Variants in SYNRG observed in about 807,000 individuals in gnomAD.
SYNRG encodes synergin gamma.
SYNRG carries 37 observed loss-of-function variants against 130.9 expected under a neutral mutation model. That is an observed-to-expected ratio of 0.28 (90% CI 0.22 to 0.37). SYNRG has a LOEUF of 0.37. SYNRG is among the 10% of genes least tolerant of loss of function. The pLI is 1.00. For missense variants in SYNRG, 1,338 were observed against 1,588.9 expected, an observed-to-expected ratio of 0.84 and a Z score of 2.68; for synonymous variants, 539 against 568.1, an observed-to-expected ratio of 0.95 and a Z score of 0.73.
chr17:37,533,146 T>C (rs2056812425), intron 19 of SYNRG, among the ~76,000 whole-genome samples: 1 of 152,162 alleles, frequency 6.6e-6, no homozygotes, highest in African/African-American at 2.4e-5. Flanking sequence ...ATGCCTATAA[T>C]CCCAACACTT....
At position 37,553,463 on chromosome 17, in the gene SYNRG, C is replaced by T; in HGVS notation, c.2260G>A (p.Glu754Lys). 2 of 1,614,162 alleles carry T rather than the reference C, an allele frequency of 1.2e-6. No individual in the cohort carries two copies. The highest frequency in any genetic ancestry group is 1.7e-6 in the Non-Finnish European group (2 of 1,180,022). Residue 754 changes from glutamate to lysine, a missense_variant, in exon 14 of 22, where the codon GAA becomes AAA. By Grantham distance (56) the Glu-to-Lys change is moderately conservative. Transcript: ENST00000612223. ...KYDVFRQLSL[E>K]GSGLGVEDLK... is the part of the protein sequence containing the mutation. ...TCTTCAACACCTAGTCCAGACCCTT[C>T]CAGAGAAAGTTGTCTGAAGACATCG...
Position 37,542,263 on chromosome 17 carries a change from T to C in SYNRG, c.2911A>G (p.Ile971Val). The C allele has an allele frequency of 6.2e-7, 1 of 1,614,218 alleles. No homozygotes were observed. Residue 971 changes from isoleucine (I) to valine (V), a missense_variant, in exon 15 of 22, where the codon ATT (isoleucine) becomes GTT (valine). Physicochemically the swap from Ile to Val is conservative, Grantham distance 29. Around this residue, in one of 3 missense-constraint regions of SYNRG, gnomAD observed 1,146 missense variants for 1,342.3 expected, o/e 0.85. Transcript: ENST00000612223. The stretch of plus-strand genomic sequence containing the variant: ...TCCTTTTGCTCACTGGTCTGAGGAA[T>C]CGTGTCTTTAAAACTGGCAAGAGCT... The part of the protein sequence containing the change: ...FPALASFKDT[I>V]PQTSEQKEYE...
In SYNRG at chr17:37,577,897, G is replaced by A. The variant is rs890070294; in HGVS notation, c.590-284C>T. ...GTATTTTTAGTAGAGACGGGGTTTC[G>A]CCATGTTAGACAGGCTGGTCTCGAA... On this transcript the variant is annotated intron_variant, in intron 6 of 21. Transcript: ENST00000612223. Among the ~76,000 whole-genome samples the A allele has an allele frequency of 2.7e-5, 4 of 150,752 alleles. No homozygotes were observed. The South Asian group carries it at 6.3e-4, about 24-fold the overall frequency.
chr17:37,559,325 T>C (rs1472829410), intron 13 of SYNRG, among the ~76,000 whole-genome samples: 1 of 151,802 alleles, frequency 6.6e-6, no homozygotes, highest in Non-Finnish European at 1.5e-5. Context: ...AGATCATGAG[T>C]GAAAGGCTAA....
chr17:37,598,709 G>GT (rs112097657), intron 2 of SYNRG, among the ~76,000 whole-genome samples: 24,486 of 151,910 alleles, frequency 0.16, 2,127 homozygotes, highest in Middle Eastern at 0.27. Context: ...TCTAACAACT[G>GT]TTAAAAAAAA....
chr17:37,595,164 A>C (rs1239131557), intron 3 of SYNRG, among the ~76,000 whole-genome samples: 1 of 152,212 alleles, frequency 6.6e-6, no homozygotes. Flanking sequence ...AGAGACAGAT[A>C]AAAAATGACA....
chr17:37,548,220 C>T (rs558568689), intron 14 of SYNRG, among the ~76,000 whole-genome samples: 5 of 152,166 alleles, frequency 3.3e-5, no homozygotes, highest in Admixed American at 1.3e-4. Flanking sequence ...ATAAATAGCA[C>T]GGGAAAATCC....
chr17:37,533,926 CTTTTTTTTTTTTT>C (rs765621244), intron 19 of SYNRG, among the ~76,000 whole-genome samples: 13 of 57,790 alleles, frequency 2.2e-4, no homozygotes, highest in Admixed American at 9.9e-4. Flanking sequence ...ATTTTCTTTT[CTTTTTTTTTTTTT>C]TTTTTTTTTT....
intron 6 of SYNRG, among the ~76,000 whole-genome samples, chr17:37,582,297 T>C (rs948113875): frequency 6.6e-6 from 1 of 152,292 alleles, no homozygotes; most frequent in South Asian, 2.1e-4. Context: ...GCAAAATTAT[T>C]GCCTTAATCA....
At chr17:37,519,342 AG>A (rs371825121) in intron 21 of SYNRG, among the ~76,000 whole-genome samples, 24 of 152,108 alleles carry the variant, frequency 1.6e-4, no homozygotes, top group South Asian at 6.3e-4. Context: ...TATGGGGTGG[AG>A]GGGGGGAATC....
intron 13 of SYNRG, among the ~76,000 whole-genome samples, chr17:37,557,782 G>A (rs559391994): frequency 4.9e-4 from 74 of 152,068 alleles, no homozygotes; most frequent in Non-Finnish European, 9.6e-4. Context: ...GGAGTTGGAA[G>A]CTGCTGTGAG....
rs974478283 is a variant in SYNRG, at chr17:37,516,261, G to C, written c.*2679C>G. 1.3e-5 allele frequency: 2 copies of C among 152,186 alleles called. No homozygotes were observed. Among genetic ancestry groups the C allele is most frequent in the Middle Eastern group, 3.2e-3 (1 of 316 alleles). 9.4% of individuals were successfully genotyped at this position (152,186 alleles called of 1,614,324 possible). A position where few individuals can be genotyped will look rare whatever the true frequency, so the allele number is the denominator to read the frequency against. ...GAGCTGAGGTGAAGCTGAATGCAGC[G>C]TTGAGCCATTTTAATAAACGTTTAT... On this transcript the variant is annotated 3_prime_UTR_variant, in exon 22 of 22. Coordinates refer to ENST00000612223, the MANE Select transcript of SYNRG (RefSeq NM_007247.6).
chr17:37,525,791 C>T (rs994308707), intron 19 of SYNRG, among the ~76,000 whole-genome samples: 1 of 152,228 alleles, frequency 6.6e-6, no homozygotes, highest in Non-Finnish European at 1.5e-5. Flanking sequence ...CATGGTGAAA[C>T]CCCGTCTCTA....
In SYNRG at chr17:37,540,484, G is replaced by A. The variant is rs1429859301; in HGVS notation, c.3262C>T (p.Pro1088Ser). 1 of 1,613,976 alleles carries A rather than the reference G, an allele frequency of 6.2e-7. No homozygotes were observed. Among genetic ancestry groups the A allele is most frequent in the African/African-American group, 1.3e-5 (1 of 74,870 alleles). The change falls in exon 16 of 22, where the codon CCA becomes TCA. Residue 1088 changes from proline (P) to serine (S), a missense_variant. Pro to Ser is a moderately conservative substitution (Grantham distance 74). Around this residue, in one of 3 missense-constraint regions of SYNRG, gnomAD observed 1,146 missense variants for 1,342.3 expected, o/e 0.85. Transcript: ENST00000612223. Reference sequence around the variant, plus strand: ...TCTCTGAAAGGCTGCTCCAAAGCTGGAGAAGGAGAAGAACGGCTTATTTCT... The same window carrying A: ...TCTCTGAAAGGCTGCTCCAAAGCTGAAGAAGGAGAAGAACGGCTTATTTCT... ...DKEISRSSPSPALEQPFRDRS... is the reference protein window; with the variant it reads ...DKEISRSSPSSALEQPFRDRS...
At chr17:37,582,015 G>A (rs555012644) in intron 6 of SYNRG, among the ~76,000 whole-genome samples, 27 of 152,108 alleles carry the variant, frequency 1.8e-4, no homozygotes, top group African/African-American at 5.8e-4. Context: ...CACCCACCTC[G>A]GCCTCCCAAA....
intron 14 of SYNRG, 33 bp downstream of exon 14, chr17:37,553,082 A>G (rs2058829419): frequency 6.3e-7 from 1 of 1,589,406 alleles, no homozygotes; most frequent in Non-Finnish European, 8.6e-7. Flanking sequence ...AATCTACAAC[A>G]CCATCACCAG....
chr17:37,566,926 G>C (rs188334862), intron 11 of SYNRG: 1 of 152,292 alleles, frequency 6.6e-6, no homozygotes, highest in East Asian at 1.9e-4. Flanking sequence ...ATTGTCTTCA[G>C]ATACTTACAG....
intron 1 of SYNRG, among the ~76,000 whole-genome samples, chr17:37,602,561 G>A (rs1371088153): frequency 1.3e-5 from 2 of 152,190 alleles, no homozygotes; most frequent in African/African-American, 4.8e-5. Context: ...TAGAATAGCG[G>A]TGAGAATGAA....
chr17:37,543,307 C>G (rs1277783569), intron 14 of SYNRG, among the ~76,000 whole-genome samples: 1 of 151,830 alleles, frequency 6.6e-6, no homozygotes, highest in Non-Finnish European at 1.5e-5. Flanking sequence ...AACTATGTAT[C>G]TACTCCCCAT....
Sources: gnomAD v4.1 joint callset for allele counts (sites outside exome capture counted in the v4.1 genomes callset) on GRCh38, gnomAD v4.1.1 for gene constraint, gnomAD v4.1.1 regional missense constraint, MANE v1.5 for transcripts, NCBI Gene and HGNC (gene_info 2026-07-23, HGNC 2026-07-21) for gene names.